KHDRBS2: variants seen among roughly 807,000 people sequenced by gnomAD.
KHDRBS2 encodes the protein KH domain-containing, RNA-binding, signal transduction-associated protein 2.
Under a neutral mutation model 44.3 loss-of-function variants are expected in KHDRBS2, and 26 were observed. The ratio of observed to expected loss-of-function variants is 0.59; its 90% CI spans 0.43 to 0.81. KHDRBS2 has a LOEUF of 0.81. KHDRBS2 is among the 40% of genes least tolerant of loss of function. The pLI is 0.00. For synonymous variants in KHDRBS2, 194 were observed against 151.1 expected, an observed-to-expected ratio of 1.28 and a Z score of -2.08; for missense variants, 476 against 433.1, an observed-to-expected ratio of 1.10 and a Z score of -0.88.
At chr6:61,705,925 T>G (rs1490506060) in intron 7 of KHDRBS2, among the ~76,000 whole-genome samples, 1 of 151,888 alleles carries the variant, frequency 6.6e-6, no homozygotes, top group Non-Finnish European at 1.5e-5. Flanking sequence ...TATGTGCTAT[T>G]ATTTGCTTAT....
At chr6:62,134,582 G>T (rs2150092718) in intron 2 of KHDRBS2, among the ~76,000 whole-genome samples, 1 of 152,212 alleles carries the variant, frequency 6.6e-6, no homozygotes, top group East Asian at 1.9e-4. Flanking sequence ...TAGAATGGTA[G>T]ATCCACCAAC....
At chr6:62,273,122 C>T (rs1840346978) in intron 1 of KHDRBS2, among the ~76,000 whole-genome samples, 1 of 152,108 alleles carries the variant, frequency 6.6e-6, no homozygotes, top group Non-Finnish European at 1.5e-5. Flanking sequence ...CAGCCACTAC[C>T]CTCAAATGCC....
At chr6:62,142,010 C>A (rs1057508226) in intron 2 of KHDRBS2, among the ~76,000 whole-genome samples, 5 of 151,850 alleles carry the variant, frequency 3.3e-5, no homozygotes, top group African/African-American at 1.2e-4. Flanking sequence ...AGTAGAGGAA[C>A]AAAATTTAAC....
intron 3 of KHDRBS2, among the ~76,000 whole-genome samples, chr6:61,983,953 A>G (rs1774507500): frequency 6.6e-6 from 1 of 152,188 alleles, no homozygotes; most frequent in South Asian, 2.1e-4. Flanking sequence ...TCATCAATTA[A>G]CAGTTCCACT....
At chr6:61,930,391 GA>G (rs1462099306) in intron 4 of KHDRBS2, among the ~76,000 whole-genome samples, 1 of 151,836 alleles carries the variant, frequency 6.6e-6, no homozygotes. Context: ...GAAGTGTTAA[GA>G]AAGAACTAGT....
At chr6:61,599,317 T>C in the KHDRBS2 span, among the ~76,000 whole-genome samples, 1 of 152,160 alleles carries the variant, frequency 6.6e-6, no homozygotes, top group Non-Finnish European at 1.5e-5. Context: ...CTAAATAGTA[T>C]TCTTTCATAT....
At chr6:62,005,707 T>C (rs1402635394) in intron 3 of KHDRBS2, among the ~76,000 whole-genome samples, 2 of 151,356 alleles carry the variant, frequency 1.3e-5, no homozygotes, top group East Asian at 1.9e-4. Context: ...ATAAAGAATA[T>C]AAAATAACAA....
At chr6:62,234,914 A>G (rs537383319) in intron 1 of KHDRBS2, among the ~76,000 whole-genome samples, 1 of 152,140 alleles carries the variant, frequency 6.6e-6, no homozygotes, top group East Asian at 1.9e-4. Context: ...CAAATAAAAC[A>G]AAATTTTGAA....
rs1363725218 is a variant in KHDRBS2, at chr6:62,067,111, G to A, written c.220-19117C>T. Among the ~76,000 whole-genome samples the A allele has an allele frequency of 2.0e-5, 3 of 151,428 alleles. No individual in the cohort carries two copies. In the East Asian group the frequency reaches 5.9e-4, roughly 30 times the overall value. ...TTGTCAATCTGTTCAATTAGATAGA[G>A]AATTGGGGACTGAGCAGATTACTTA... is the stretch of plus-strand genomic sequence containing the variant. On this transcript the variant is annotated intron_variant, in intron 2 of 8. Coordinates refer to ENST00000281156, the MANE Select transcript of KHDRBS2 (RefSeq NM_152688.4).
chr6:62,074,586 TA>T (rs1795956184), intron 2 of KHDRBS2, among the ~76,000 whole-genome samples: 1 of 151,912 alleles, frequency 6.6e-6, no homozygotes, highest in African/African-American at 2.4e-5. Flanking sequence ...TACTAACTTT[TA>T]TTTTCTATCT....
chr6:62,230,296 G>C (rs2150158582), intron 1 of KHDRBS2, among the ~76,000 whole-genome samples: 1 of 152,288 alleles, frequency 6.6e-6, no homozygotes, highest in East Asian at 1.9e-4. Flanking sequence ...AAATATGACA[G>C]AAGTAGCTAA....
chr6:62,076,935 A>T (rs1562802021), intron 2 of KHDRBS2, among the ~76,000 whole-genome samples: 1 of 151,896 alleles, frequency 6.6e-6, no homozygotes, highest in Non-Finnish European at 1.5e-5. Context: ...AGTCCTAGCT[A>T]CTCAGGAGGC....
At chr6:61,579,674 G>T in the KHDRBS2 span, among the ~76,000 whole-genome samples, 4 of 152,260 alleles carry the variant, frequency 2.6e-5, no homozygotes, top group South Asian at 8.3e-4. Context: ...CCTGAGTTAT[G>T]AGAATTTGGC....
At chr6:61,929,565 G>A (rs1183478307) in intron 4 of KHDRBS2, among the ~76,000 whole-genome samples, 2 of 152,076 alleles carry the variant, frequency 1.3e-5, no homozygotes, top group Non-Finnish European at 2.9e-5. Context: ...GAAATAGGAG[G>A]AAAATCCAGA....
intron 6 of KHDRBS2, among the ~76,000 whole-genome samples, chr6:61,807,517 G>A (rs780020252): frequency 1.3e-5 from 2 of 151,876 alleles, no homozygotes; most frequent in Admixed American, 6.6e-5. Flanking sequence ...TGTCCTTTGC[G>A]GCAACATAGA....
chr6:62,099,872 T>A (rs1254816571), intron 2 of KHDRBS2, among the ~76,000 whole-genome samples: 2 of 152,182 alleles, frequency 1.3e-5, no homozygotes, highest in African/African-American at 4.8e-5. Flanking sequence ...TTGTAATGCC[T>A]ACTAACACAA....
At chr6:61,619,270 C>T in the KHDRBS2 span, among the ~76,000 whole-genome samples, 1 of 151,986 alleles carries the variant, frequency 6.6e-6, no homozygotes, top group East Asian at 1.9e-4. Context: ...CACCCTCCCC[C>T]TTCTGAGTCT....
rs1250585968 is a variant in KHDRBS2 at position 62,217,828 on chromosome 6, T to C, written c.92-40516A>G. Among the ~76,000 whole-genome samples the C allele has an allele frequency of 5.9e-5, 9 of 152,014 alleles. 1 individual carries two copies. The highest frequency in any genetic ancestry group is 3.4e-3 in the Middle Eastern group (1 of 294). On this transcript the variant is annotated intron_variant, in intron 1 of 8. Transcript: ENST00000281156. The stretch of plus-strand genomic sequence containing the variant: ...CAAAATATAGAATCCTGAAAGTTTA[T>C]ATAAGTGAAGTTTTTAAATTAATGA...
chr6:61,955,235 C>T (rs1231493897), intron 4 of KHDRBS2, among the ~76,000 whole-genome samples: 3 of 141,994 alleles, frequency 2.1e-5, no homozygotes, highest in East Asian at 4.3e-4. Flanking sequence ...TATACACATA[C>T]GTATGTATGT....
Sources: gnomAD v4.1 joint callset for allele counts (sites outside exome capture counted in the v4.1 genomes callset) on GRCh38, gnomAD v4.1.1 for gene constraint, MANE v1.5 for transcripts, NCBI Gene and HGNC (gene_info 2026-07-23, HGNC 2026-07-21) for gene names.